Variants in PMS1 observed in about 807,000 individuals in gnomAD.
PMS1 encodes the protein PMS1 protein homolog 1.
PMS1 carries 79 observed loss-of-function variants against 93.1 expected under a neutral mutation model. That is an observed-to-expected ratio of 0.85 (90% CI 0.71 to 1.02). PMS1 has a LOEUF of 1.02. Among genes scored for constraint, PMS1 ranks in the 50% least tolerant of loss-of-function variants. PMS1 has a pLI of 0.00. For synonymous variants in PMS1, 335 were observed against 363.4 expected, an observed-to-expected ratio of 0.92 and a Z score of 0.89; for missense variants, 1,064 against 1,085.3, an observed-to-expected ratio of 0.98 and a Z score of 0.28.
intron 1 of PMS1, among the ~76,000 whole-genome samples, chr2:189,787,538 G>A (rs540906823): frequency 2.0e-5 from 3 of 151,870 alleles, no homozygotes; most frequent in Admixed American, 6.6e-5. Flanking sequence ...AGGACAAAAT[G>A]ATATTTGATA....
chr2:189,865,178 A>G (rs1452155021), intron 10 of PMS1, among the ~76,000 whole-genome samples: 1 of 152,064 alleles, frequency 6.6e-6, no homozygotes, highest in Non-Finnish European at 1.5e-5. Flanking sequence ...ATCTCAAAAT[A>G]CCTTTTTTTC....
At chr2:189,842,049 A>G (rs2053859274) in intron 5 of PMS1, among the ~76,000 whole-genome samples, 1 of 150,714 alleles carries the variant, frequency 6.6e-6, no homozygotes, top group Non-Finnish European at 1.5e-5. Flanking sequence ...TTTCCCAGCC[A>G]GACTTTCTGA....
In PMS1 at chr2:189,818,059, T is replaced by C; in HGVS notation, c.461T>C (p.Val154Ala). 1 of 1,609,036 alleles carries C rather than the reference T, an allele frequency of 6.2e-7. No individual in the cohort carries two copies. Among genetic ancestry groups the C allele is most frequent in the Non-Finnish European group, 8.5e-7 (1 of 1,175,792 alleles). Residue 154 changes from valine to alanine, a missense_variant, in exon 5 of 13, where the codon GTA becomes GCA. Physicochemically the swap from Val to Ala is moderately conservative, Grantham distance 64 (BLOSUM62 0). Transcript: ENST00000441310. ...TALRLFKNLP[V>A]RKQFYSTAKK... Reference sequence around the variant, plus strand: ...TTAAGATTATTTAAGAATCTACCTGTAAGAAAGCAGTTTTACTCAACTGCA... The same window carrying C: ...TTAAGATTATTTAAGAATCTACCTGCAAGAAAGCAGTTTTACTCAACTGCA...
intron 5 of PMS1, among the ~76,000 whole-genome samples, chr2:189,831,177 T>C (rs1205783101): frequency 2.6e-5 from 4 of 152,210 alleles, no homozygotes; most frequent in Admixed American, 2.0e-4. Flanking sequence ...AGAAGTTTCT[T>C]TAAATGAGTT....
chr2:189,792,403 C>T (rs866200584), intron 2 of PMS1, among the ~76,000 whole-genome samples: 2 of 151,922 alleles, frequency 1.3e-5, no homozygotes, highest in Middle Eastern at 3.4e-3. Context: ...TGACTAGTTC[C>T]CCTGTTCTAA....
At chr2:189,825,265 A>T (rs912159587) in intron 5 of PMS1, among the ~76,000 whole-genome samples, 1 of 152,158 alleles carries the variant, frequency 6.6e-6, no homozygotes, top group Non-Finnish European at 1.5e-5. Context: ...GACACAGCCA[A>T]AGGGAAATAA....
At position 189,855,083 on chromosome 2, in the gene PMS1, A is replaced by G; in HGVS notation, c.1811A>G (p.Gln604Arg). ...PKTSLEDATLQIEELWKTLSE... is the reference protein window; with the variant it reads ...PKTSLEDATLRIEELWKTLSE... ...ACTAGTTTAGAGGATGCAACACTAC[A>G]AATTGAAGAACTGTGGAAGACATTG... is the stretch of plus-strand genomic sequence containing the variant. The change falls in exon 9 of 13, where the codon CAA (glutamine) becomes CGA (arginine). Residue 604 changes from glutamine to arginine, a missense_variant. Physicochemically the swap from Gln to Arg is conservative, Grantham distance 43 (BLOSUM62 1). Coordinates refer to ENST00000441310, the MANE Select transcript of PMS1 (RefSeq NM_000534.5). 1 of 1,613,480 alleles carries G rather than the reference A, an allele frequency of 6.2e-7. No homozygotes were observed. Among genetic ancestry groups the G allele is most frequent in the Non-Finnish European group, 8.5e-7 (1 of 1,179,532 alleles).
intron 6 of PMS1, among the ~76,000 whole-genome samples, chr2:189,846,245 C>T (rs558421835): frequency 6.6e-6 from 1 of 151,988 alleles, no homozygotes; most frequent in South Asian, 2.1e-4. Context: ...GGTGTGGTGG[C>T]TCACACCTGT....
Position 189,852,666 on chromosome 2 carries a change from T to G in PMS1, c.711T>G (p.Ser237Arg). The G allele has an allele frequency of 6.2e-7, 1 of 1,606,390 alleles. No individual in the cohort carries two copies. The highest frequency in any genetic ancestry group is 8.5e-7 in the Non-Finnish European group (1 of 1,173,136). Residue 237 changes from serine to arginine, a missense_variant, in exon 7 of 13, where the codon AGT (serine) becomes AGG (arginine). Ser to Arg is a moderately radical substitution (Grantham distance 110). Coordinates refer to ENST00000441310, the MANE Select transcript of PMS1 (RefSeq NM_000534.5). ...YHSEESQIYL[S>R]GFLPKCDADH... ...TAATTATTATATAGATTTATCTCAG[T>G]GGATTTCTTCCAAAGTGTGATGCAG... is the stretch of plus-strand genomic sequence containing the variant.
At chr2:189,871,001 T>C (rs1476447014) in intron 11 of PMS1, among the ~76,000 whole-genome samples, 1 of 152,240 alleles carries the variant, frequency 6.6e-6, no homozygotes, top group Non-Finnish European at 1.5e-5. Context: ...TTTATTTGGC[T>C]CATGGTTCTG....
intron 9 of PMS1, among the ~76,000 whole-genome samples, chr2:189,856,788 A>G (rs1282161659): frequency 6.6e-6 from 1 of 152,154 alleles, no homozygotes; most frequent in Non-Finnish European, 1.5e-5. Context: ...CAGCCTCACA[A>G]CAGCAGGTAT....
intron 12 of PMS1, among the ~76,000 whole-genome samples, chr2:189,875,592 T>C (rs1226323807): frequency 6.6e-6 from 1 of 151,916 alleles, no homozygotes; most frequent in Non-Finnish European, 1.5e-5. Flanking sequence ...TGATAGTGAA[T>C]AGTGAAAGGA....
At chr2:189,788,700 T>TA (rs1474354688) in intron 1 of PMS1, among the ~76,000 whole-genome samples, 1 of 152,242 alleles carries the variant, frequency 6.6e-6, no homozygotes, top group Non-Finnish European at 1.5e-5. Flanking sequence ...CCAAATAGGA[T>TA]AAAATCATTT....
Position 189,854,737 on chromosome 2 carries a change from A to G in PMS1, c.1465A>G (p.Asn489Asp), listed in dbSNP as rs1255301100. ...GENEEEAGLE[N>D]SSEISADEWS... ...AAATGAGGAAGAAGCAGGTCTTGAAAACTCTTCGGAAATTTCTGCAGATGA... is the reference window on the plus strand; with the variant it reads ...AAATGAGGAAGAAGCAGGTCTTGAAGACTCTTCGGAAATTTCTGCAGATGA... The change falls in exon 9 of 13, where the codon AAC (asparagine) becomes GAC (aspartate). Residue 489 changes from asparagine to aspartate, a missense_variant. By Grantham distance (23) the Asn-to-Asp change is conservative. Coordinates refer to ENST00000441310, the MANE Select transcript of PMS1 (RefSeq NM_000534.5). 4.3e-6 allele frequency: 7 copies of G among 1,613,954 alleles called. No homozygotes were observed. The East Asian group carries it at 1.6e-4, about 36-fold the overall frequency.
At chr2:189,785,614 A>AT (rs1330200706) in intron 1 of PMS1, 1 of 152,270 alleles carries the variant, frequency 6.6e-6, no homozygotes, top group East Asian at 1.9e-4. Flanking sequence ...AGAAACACAT[A>AT]TTAATAGAGT....
chr2:189,870,131 T>A (rs1212940854), intron 11 of PMS1, among the ~76,000 whole-genome samples: 1 of 152,220 alleles, frequency 6.6e-6, no homozygotes, highest in Non-Finnish European at 1.5e-5. Flanking sequence ...AAGTTAAAGA[T>A]ATTTATGTTT....
intron 5 of PMS1, among the ~76,000 whole-genome samples, chr2:189,837,143 C>T (rs1233250): frequency 0.015 from 2,183 of 150,286 alleles, 43 homozygotes; most frequent in African/African-American, 0.05. Context: ...AAGAGGTACA[C>T]TTTTTGTGAA....
At chr2:189,812,619 C>G (rs181102477) in intron 4 of PMS1, among the ~76,000 whole-genome samples, 1 of 151,932 alleles carries the variant, frequency 6.6e-6, no homozygotes, top group African/African-American at 2.4e-5. Context: ...AAACGCATGA[C>G]AAAAACTTTA....
At chr2:189,820,365 C>T (rs994968553) in intron 5 of PMS1, among the ~76,000 whole-genome samples, 1 of 151,938 alleles carries the variant, frequency 6.6e-6, no homozygotes, top group Non-Finnish European at 1.5e-5. Context: ...AGTGCAGTGG[C>T]ACGATCACAG....
Sources: allele counts gnomAD v4.1 joint callset (sites outside exome capture counted in the v4.1 genomes callset), GRCh38; gene constraint gnomAD v4.1.1; transcripts MANE v1.5; gene names NCBI Gene and HGNC (gene_info 2026-07-23, HGNC 2026-07-21).